The following ALPK3 variants were observed in gnomAD, a reference collection of about 807,000 sequenced individuals.
ALPK3 encodes the protein alpha kinase 3.
In ALPK3, 102 loss-of-function variants were observed where a neutral mutation model predicts 140.0. That is an observed-to-expected ratio of 0.73 (90% CI 0.62 to 0.86). The LOEUF is 0.86. Among genes scored for constraint, ALPK3 ranks in the 40% least tolerant of loss-of-function variants. The probability of loss-of-function intolerance (pLI) is 0.00; values close to 1 mark genes in which losing one functional copy is unlikely to be tolerated. For missense variants in ALPK3, 2,254 were observed against 2,208.2 expected, an observed-to-expected ratio of 1.02 and a Z score of -0.42; for synonymous variants, 938 against 898.5, an observed-to-expected ratio of 1.04 and a Z score of -0.79.
At chr15:84,827,869 C>G (rs1963507090) in intron 3 of ALPK3, among the ~76,000 whole-genome samples, 1 of 152,226 alleles carries the variant, frequency 6.6e-6, no homozygotes, top group African/African-American at 2.4e-5. Context: ...GGGATACATC[C>G]ATGACTAATG....
At position 84,830,759 on chromosome 15, in the gene ALPK3, A is replaced by G. The variant is rs201741837; in HGVS notation, c.304+3154A>G. Among the ~76,000 whole-genome samples the G allele has an allele frequency of 2.0e-5, 3 of 152,248 alleles. No individual in the cohort carries two copies. In the East Asian group the frequency reaches 5.8e-4, roughly 29 times the overall value. On this transcript the variant is annotated intron_variant, in intron 3 of 13. Transcript: ENST00000258888. Reference sequence around the variant, plus strand: ...GTCACCCCGGCTGGAGTGCAGTGGCATGATCACAGATCACTGCAGCCTCAA... The same window carrying G: ...GTCACCCCGGCTGGAGTGCAGTGGCGTGATCACAGATCACTGCAGCCTCAA...
rs1964070595 is a variant in ALPK3, at chr15:84,871,526, C to G, written c.*3070C>G. Reference sequence around the variant, plus strand: ...TGGGGGACTAAACTCTCCACGCCAGCCCAGTCCCAAACCTAAACCTCGGGT... The same window carrying G: ...TGGGGGACTAAACTCTCCACGCCAGGCCAGTCCCAAACCTAAACCTCGGGT... On this transcript the variant is annotated 3_prime_UTR_variant, in exon 14 of 14. Coordinates refer to ENST00000258888, the MANE Select transcript of ALPK3 (RefSeq NM_020778.5). 2 of 152,270 alleles carry G rather than the reference C, an allele frequency of 1.3e-5. No homozygotes were observed. Among genetic ancestry groups the G allele is most frequent in the Non-Finnish European group, 2.9e-5 (2 of 68,094 alleles). The allele number at this position is 152,270 out of a possible 1,614,324, so 9.4% of individuals were successfully genotyped here.
chr15:84,844,464 A>G (rs1276738116), intron 5 of ALPK3, among the ~76,000 whole-genome samples: 1 of 152,238 alleles, frequency 6.6e-6, no homozygotes, highest in East Asian at 1.9e-4. Context: ...TGGAATTATT[A>G]GACATGAATT....
rs1255222102 is a variant in ALPK3, at chr15:84,857,118, C to T, written c.2380C>T (p.Leu794=). The change falls in exon 6 of 14, where the codon CTG becomes TTG. Residue 794 remains leucine (L), a synonymous_variant. Coordinates refer to ENST00000258888, the MANE Select transcript of ALPK3 (RefSeq NM_020778.5). ...RNHEQTVLGP[L]SGNLMLPAQP... ...CCATGAGCAAACTGTGCTGGGTCCC[C>T]TGTCAGGGAACCTCATGCTCCCAGC... 1 of 1,614,188 alleles carries T rather than the reference C, an allele frequency of 6.2e-7. No individual in the cohort carries two copies. The highest frequency in any genetic ancestry group is 8.5e-7 in the Non-Finnish European group (1 of 1,180,032).
intron 3 of ALPK3, among the ~76,000 whole-genome samples, chr15:84,837,394 G>A (rs972202075): frequency 1.3e-5 from 2 of 152,212 alleles, no homozygotes; most frequent in African/African-American, 2.4e-5. Context: ...ACTTAGGAGC[G>A]TGGTGCATCC....
Position 84,866,624 on chromosome 15 carries a change from C to G in ALPK3, c.4724-693C>G, listed in dbSNP as rs182545635. Among the ~76,000 whole-genome samples the G allele has an allele frequency of 7.2e-5, 11 of 152,352 alleles. No homozygotes were observed. The East Asian group carries it at 1.3e-3, about 19-fold the overall frequency. Reference sequence around the variant, plus strand: ...CCTGAGCACAGTGAAAACGTTTTTTCTCTATCATCATTTTGCCTGGCTCTG... The same window carrying G: ...CCTGAGCACAGTGAAAACGTTTTTTGTCTATCATCATTTTGCCTGGCTCTG... On this transcript the variant is annotated intron_variant, in intron 12 of 13. Transcript: ENST00000258888.
At position 84,860,143 on chromosome 15, in the gene ALPK3, G is replaced by T. The variant is rs1285232560; in HGVS notation, c.4129+71G>T. ...TCTGCAGGGAGGACCCTCTTTAAGG[G>T]CTTGGAATCTGGTCCCAATCCACAT... On this transcript the variant is annotated intron_variant, in intron 9 of 13. Coordinates refer to ENST00000258888, the MANE Select transcript of ALPK3 (RefSeq NM_020778.5). 1.2e-5 allele frequency: 19 copies of T among 1,568,048 alleles called. No individual in the cohort carries two copies. In the South Asian group the frequency reaches 2.0e-4, roughly 17 times the overall value.
At chr15:84,844,315 G>C (rs567517598) in intron 5 of ALPK3, among the ~76,000 whole-genome samples, 2 of 151,964 alleles carry the variant, frequency 1.3e-5, no homozygotes, top group South Asian at 4.2e-4. Context: ...GCTGAGGCAC[G>C]AGAATCACTT....
rs957044891 is a variant in ALPK3 at position 84,872,178 on chromosome 15, A to C, written c.*3722A>C. ...ACTACGAGGGGCAGCATGGCCACCA[A>C]GTGTGCCAGGGCCAAGTGTTCAGGC... On this transcript the variant is annotated 3_prime_UTR_variant, in exon 14 of 14. Transcript: ENST00000258888. 6.6e-6 allele frequency: 1 copy of C among 152,302 alleles called. No homozygotes were observed. The highest frequency in any genetic ancestry group is 1.5e-5 in the Non-Finnish European group (1 of 68,092). The allele number at this position is 152,302 out of a possible 1,614,324, so 9.4% of individuals were successfully genotyped here.
In ALPK3 at chr15:84,858,630, G is replaced by A. The variant is rs75389719; in HGVS notation, c.3817+75G>A. 3.2e-3 allele frequency: 4,712 copies of A among 1,484,486 alleles called. 12 individuals carry two copies. The highest frequency in any genetic ancestry group is 3.9e-3 in the Non-Finnish European group (4,343 of 1,126,618). 92.0% of individuals were successfully genotyped at this position (1,484,486 alleles called of 1,614,324 possible). A position where few individuals can be genotyped will look rare whatever the true frequency, so the allele number is the denominator to read the frequency against. On this transcript the variant is annotated intron_variant, in intron 6 of 13. Transcript: ENST00000258888. ...AAGCACACTGCTGCTGCTGCTAACA[G>A]CACTACCCCATGACAGATAGCATAT...
intron 1 of ALPK3, among the ~76,000 whole-genome samples, chr15:84,821,164 G>A (rs1963418156): frequency 6.6e-6 from 1 of 152,214 alleles, no homozygotes; most frequent in African/African-American, 2.4e-5. Flanking sequence ...GAGCCTAGCT[G>A]TGGCCCAGCC....
chr15:84,848,947 G>A lies in ALPK3; in HGVS notation c.1654-7445G>A, dbSNP rs8036576. On this transcript the variant is annotated intron_variant, in intron 5 of 13. Transcript: ENST00000258888. ...ACCTGAGGTCGGGAGTTCGAGACCA[G>A]CCTGACCAACATGGAGAAAACCCAT... 6.7e-3 allele frequency among the ~76,000 whole-genome samples: 1,016 copies of A among 152,180 alleles called. 17 individuals carry two copies. The highest frequency in any genetic ancestry group is 0.023 in the African/African-American group (964 of 41,506).
chr15:84,826,921 A>G (rs1358039820), intron 2 of ALPK3, among the ~76,000 whole-genome samples: 1 of 152,112 alleles, frequency 6.6e-6, no homozygotes, highest in Non-Finnish European at 1.5e-5. Flanking sequence ...GACCCCTAGC[A>G]TTGGCCAGCT....
At chr15:84,852,368 G>A (rs1471705028) in intron 5 of ALPK3, 2 of 153,626 alleles carry the variant, frequency 1.3e-5, no homozygotes, top group Admixed American at 6.5e-5. Flanking sequence ...CAGGTGGGGT[G>A]GCATGAGATT....
chr15:84,821,825 G>T (rs1330983714), intron 1 of ALPK3, among the ~76,000 whole-genome samples: 1 of 152,146 alleles, frequency 6.6e-6, no homozygotes, highest in Non-Finnish European at 1.5e-5. Context: ...CAAGAACTAG[G>T]TTTGAAGGCT....
In ALPK3 at chr15:84,870,682, T is replaced by G. The variant is rs925251378; in HGVS notation, c.*2226T>G. 2.0e-5 allele frequency: 3 copies of G among 152,212 alleles called. No homozygotes were observed. The highest frequency in any genetic ancestry group is 7.2e-5 in the African/African-American group (3 of 41,446). 9.4% of individuals were successfully genotyped at this position (152,212 alleles called of 1,614,324 possible). On this transcript the variant is annotated 3_prime_UTR_variant, in exon 14 of 14. Transcript: ENST00000258888. ...TTGGCAGATCAACACCAACTTGCCA[T>G]TGGTTCTAGTGGGTCCCCTTCCACT...
At chr15:84,823,242 T>A in intron 1 of ALPK3, 88 bp from the exon 2 acceptor site, 1 of 1,461,370 alleles carries the variant, frequency 6.8e-7, no homozygotes. Context: ...CCCCAGATGG[T>A]GGCCGATTAA....
rs1282285363 is a variant in ALPK3, at chr15:84,863,536, G to C, written c.4411-16G>C. 6.2e-7 allele frequency: 1 copy of C among 1,612,262 alleles called. No individual in the cohort carries two copies. The highest frequency in any genetic ancestry group is 1.7e-5 in the Admixed American group (1 of 59,910). On this transcript the variant is annotated splice_polypyrimidine_tract_variant and intron_variant, in intron 10 of 13. Transcript: ENST00000258888. ...GGAATTTCTTTGCTCACCACATTTGGTTCCCTCATCCACAGGGGTGCAAGA... is the reference window on the plus strand; with the variant it reads ...GGAATTTCTTTGCTCACCACATTTGCTTCCCTCATCCACAGGGGTGCAAGA...
chr15:84,853,376 G>T (rs1017125997), intron 5 of ALPK3, among the ~76,000 whole-genome samples: 5 of 152,036 alleles, frequency 3.3e-5, no homozygotes, highest in Non-Finnish European at 7.4e-5. Flanking sequence ...ACTTCTGGAG[G>T]CCGAGGTGGG....
Sources: gnomAD v4.1 joint callset for allele counts (sites outside exome capture counted in the v4.1 genomes callset) on GRCh38, gnomAD v4.1.1 for gene constraint, MANE v1.5 for transcripts, NCBI Gene and HGNC (gene_info 2026-07-23, HGNC 2026-07-21) for gene names.